The following GALNT1 variants were observed in gnomAD, a reference collection of about 807,000 sequenced individuals.
GALNT1 encodes the protein GalNAc transferase 1.
In GALNT1, 17 loss-of-function variants were observed where a neutral mutation model predicts 65.7. The ratio of observed to expected loss-of-function variants is 0.26; its 90% CI spans 0.18 to 0.39. The LOEUF (loss-of-function observed/expected upper bound fraction) is 0.39, where lower values mean the gene tolerates loss of function less well. Ranked by LOEUF, GALNT1 falls within the 10% of genes least tolerant of loss-of-function variation. The pLI, the probability that GALNT1 is intolerant of heterozygous loss-of-function variation, is 1.00. For synonymous variants in GALNT1, 210 were observed against 219.7 expected (o/e 0.96, Z 0.39); for missense variants, 460 against 672.8 (o/e 0.68, Z 3.50).
intron 9 of GALNT1, among the ~76,000 whole-genome samples, chr18:35,696,754 C>T (rs1262354661): frequency 6.6e-6 from 1 of 152,192 alleles, no homozygotes; most frequent in East Asian, 1.9e-4. Flanking sequence ...TTAAAAAACA[C>T]GGCTAAACTC....
intron 8 of GALNT1, 42 bp from the exon 9 acceptor site, chr18:35,692,139 A>G (rs779997950): frequency 1.5e-5 from 24 of 1,559,330 alleles, no homozygotes; most frequent in Non-Finnish European, 2.1e-5. Flanking sequence ...GTGTTACCTA[A>G]AACAACACTA....
chr18:35,681,130 G>A (rs944237670), intron 4 of GALNT1, among the ~76,000 whole-genome samples: 13 of 152,058 alleles, frequency 8.5e-5, no homozygotes, highest in Admixed American at 2.6e-4. Context: ...GATGTGAATA[G>A]TGAAATTTTT....
chr18:35,681,369 AAAG>A (rs1206965484), intron 4 of GALNT1, among the ~76,000 whole-genome samples: 5 of 152,268 alleles, frequency 3.3e-5, no homozygotes, highest in Non-Finnish European at 5.9e-5. Flanking sequence ...TATCGACTGA[AAAG>A]AAGACACCTA....
chr18:35,669,730 A>G (rs1156775214), intron 3 of GALNT1, among the ~76,000 whole-genome samples: 1 of 152,186 alleles, frequency 6.6e-6, no homozygotes, highest in African/African-American at 2.4e-5. Context: ...AAATATCTAT[A>G]TTTAATAATA....
intron 1 of GALNT1, among the ~76,000 whole-genome samples, chr18:35,641,802 T>C (rs2047167619): frequency 6.6e-6 from 1 of 152,116 alleles, no homozygotes; most frequent in Non-Finnish European, 1.5e-5. Context: ...ATATTGAAAA[T>C]ATGCATACTG....
chr18:35,705,059 G>A (rs560979416), intron 11 of GALNT1, among the ~76,000 whole-genome samples: 3 of 152,132 alleles, frequency 2.0e-5, no homozygotes, highest in Admixed American at 6.5e-5. Context: ...CTCCTTCTTC[G>A]TCCTACTCCT....
At chr18:35,615,172 G>T (rs2046767502) in intron 1 of GALNT1, among the ~76,000 whole-genome samples, 1 of 152,116 alleles carries the variant, frequency 6.6e-6, no homozygotes, top group Non-Finnish European at 1.5e-5. Context: ...CCTGAAGCAA[G>T]TACTTGTCTT....
In GALNT1 at chr18:35,686,499, A is replaced by C. The variant is rs144840315; in HGVS notation, c.690-517A>C. 2.9e-3 allele frequency among the ~76,000 whole-genome samples: 437 copies of C among 152,372 alleles called. 1 individual carries two copies. Among genetic ancestry groups the C allele is most frequent in the African/African-American group, 9.7e-3 (404 of 41,582 alleles). On this transcript the variant is annotated intron_variant, in intron 5 of 11. Transcript: ENST00000269195. ...TATGGCAGTGGTATATTGATGCAGG[A>C]ATTCACAAATAGACTAGTGAAACAG...
At chr18:35,705,617 T>G (rs922471214) in intron 11 of GALNT1, among the ~76,000 whole-genome samples, 1 of 152,192 alleles carries the variant, frequency 6.6e-6, no homozygotes, top group African/African-American at 2.4e-5. Context: ...TGGCTCCAGA[T>G]AGTAAGTGCT....
chr18:35,653,925 G>A (rs985395588), intron 1 of GALNT1, among the ~76,000 whole-genome samples: 4 of 152,182 alleles, frequency 2.6e-5, no homozygotes, highest in Admixed American at 6.5e-5. Context: ...TCTGTTTCCT[G>A]AATGATTGGT....
At chr18:35,606,918 A>G (rs1441053849) in intron 1 of GALNT1, among the ~76,000 whole-genome samples, 2 of 151,696 alleles carry the variant, frequency 1.3e-5, no homozygotes, top group Non-Finnish European at 2.9e-5. Context: ...TGTGAGAGAC[A>G]TAGTCATAGC....
At chr18:35,640,490 G>T (rs2047147276) in intron 1 of GALNT1, among the ~76,000 whole-genome samples, 1 of 152,146 alleles carries the variant, frequency 6.6e-6, no homozygotes. Flanking sequence ...TAGATTTAAA[G>T]ATGCTTTTGG....
chr18:35,631,522 ACT>A (rs1390922002), intron 1 of GALNT1, among the ~76,000 whole-genome samples: 4 of 152,224 alleles, frequency 2.6e-5, no homozygotes, highest in African/African-American at 7.2e-5. Flanking sequence ...CATGCTAAAA[ACT>A]CTGAATAAAT....
chr18:35,641,728 A>G (rs1406701964), intron 1 of GALNT1, among the ~76,000 whole-genome samples: 2 of 152,226 alleles, frequency 1.3e-5, no homozygotes, highest in South Asian at 2.1e-4. Flanking sequence ...GTGCAGTGAT[A>G]TAACAGTTCA....
intron 1 of GALNT1, among the ~76,000 whole-genome samples, chr18:35,607,551 T>C (rs562735888): frequency 6.6e-6 from 1 of 152,300 alleles, no homozygotes; most frequent in Admixed American, 6.5e-5. Flanking sequence ...TACTTCTGTC[T>C]CATGTCTAAA....
chr18:35,614,999 G>A (rs949143898), intron 1 of GALNT1, among the ~76,000 whole-genome samples: 2 of 152,012 alleles, frequency 1.3e-5, no homozygotes, highest in East Asian at 3.9e-4. Flanking sequence ...ATAGAAAGAA[G>A]GTTTCCTATA....
intron 1 of GALNT1, among the ~76,000 whole-genome samples, chr18:35,611,494 A>T (rs990296152): frequency 1.3e-5 from 2 of 152,228 alleles, no homozygotes; most frequent in Non-Finnish European, 2.9e-5. Context: ...ATATTTATGT[A>T]ATCGAATGTT....
chr18:35,675,382 T>A (rs897997045), intron 3 of GALNT1, among the ~76,000 whole-genome samples: 2 of 152,230 alleles, frequency 1.3e-5, no homozygotes, highest in Admixed American at 1.3e-4. Flanking sequence ...TGATTAACCA[T>A]TTGATTTAAA....
intron 1 of GALNT1, among the ~76,000 whole-genome samples, chr18:35,594,989 A>G (rs954966245): frequency 2.0e-5 from 3 of 152,066 alleles, no homozygotes; most frequent in Non-Finnish European, 2.9e-5. Flanking sequence ...GGGGAGGAAG[A>G]TGGTAACTCT....
Sources: allele counts gnomAD v4.1 joint callset (sites outside exome capture counted in the v4.1 genomes callset), GRCh38; gene constraint gnomAD v4.1.1; transcripts MANE v1.5; gene names NCBI Gene and HGNC (gene_info 2026-07-23, HGNC 2026-07-21).